The following COL4A6 variants were observed in gnomAD, a reference collection of about 807,000 sequenced individuals.
The protein encoded by COL4A6 is collagen alpha-6(IV) chain.
Under a neutral mutation model 126.7 loss-of-function variants are expected in COL4A6, and 59 were observed. The ratio of observed to expected loss-of-function variants is 0.47; its 90% confidence interval spans 0.38 to 0.58. The LOEUF (loss-of-function observed/expected upper bound fraction) is 0.58. Among genes scored for constraint, COL4A6 ranks in the 20% least tolerant of loss-of-function variants. The pLI is 0.00. For synonymous variants in COL4A6, 547 were observed against 496.6 expected, an observed-to-expected ratio of 1.10 and a Z score of -1.35; for missense variants, 1,285 against 1,337.3, an observed-to-expected ratio of 0.96 and a Z score of 0.61.
chrX:108,277,672 C>T (rs1041968582), intron 3 of COL4A6, among the ~76,000 whole-genome samples: 220 of 112,175 alleles, frequency 2.0e-3, no homozygotes, highest in Middle Eastern at 0.014. Context: ...GATCTGAGAA[C>T]GGGCAGACTG....
At chrX:108,391,867 G>A (rs2040846773) in intron 2 of COL4A6, among the ~76,000 whole-genome samples, 1 of 112,351 alleles carries the variant, frequency 8.9e-6, no homozygotes, top group African/African-American at 3.2e-5. Flanking sequence ...CCAATGAGAT[G>A]AACCGGGTAC....
In COL4A6 at chrX:108,162,751, A is replaced by G. The variant is rs1190130982; in HGVS notation, c.4216+141T>C. On this transcript the variant is annotated intron_variant, in intron 41 of 44. Coordinates refer to ENST00000334504, the MANE Select transcript of COL4A6 (RefSeq NM_033641.4). ...GTCCTGCTGGCCCTTCTTCTCCCCA[A>G]CAGGAAGCTTGGGAGCTTTGTGAAG... 10 of 685,199 alleles carry G rather than the reference A, an allele frequency of 1.5e-5. No individual in the cohort carries two copies. The South Asian group carries it at 2.9e-4, about 20-fold the overall frequency. The allele number at this position is 685,199 out of a possible 1,213,427, so 56.5% of individuals were successfully genotyped here. A position where few individuals can be genotyped will look rare whatever the true frequency, so the allele number is the denominator to read the frequency against.
intron 13 of COL4A6, among the ~76,000 whole-genome samples, chrX:108,201,089 C>T (rs770427058): frequency 3.6e-5 from 4 of 111,384 alleles, no homozygotes; most frequent in Non-Finnish European, 7.5e-5. Flanking sequence ...ATTTTCCATG[C>T]CCCCTTTATT....
intron 2 of COL4A6, among the ~76,000 whole-genome samples, chrX:108,386,181 C>T (rs1255023200): frequency 2.7e-5 from 3 of 111,410 alleles, no homozygotes; most frequent in Admixed American, 1.9e-4. Context: ...AATAAACATA[C>T]ATGTGCATGT....
chrX:108,203,590 A>T (rs2035454208), intron 12 of COL4A6, among the ~76,000 whole-genome samples: 1 of 112,457 alleles, frequency 8.9e-6, no homozygotes, highest in South Asian at 3.7e-4. Flanking sequence ...AGGAGACTAA[A>T]CACATTTCCC....
intron 3 of COL4A6, among the ~76,000 whole-genome samples, chrX:108,223,154 C>T (rs962746230): frequency 9.9e-5 from 11 of 111,565 alleles, no homozygotes; most frequent in Admixed American, 1.9e-4. Flanking sequence ...GCTGCATGTT[C>T]TCACTCATAC....
intron 2 of COL4A6, among the ~76,000 whole-genome samples, chrX:108,344,563 A>G (rs943559608): frequency 8.9e-6 from 1 of 112,188 alleles, no homozygotes; most frequent in African/African-American, 3.2e-5. Flanking sequence ...TCAAAAAGAT[A>G]CTTTTCATTT....
At chrX:108,209,672 T>G (rs1236873984) in intron 8 of COL4A6, among the ~76,000 whole-genome samples, 1 of 112,003 alleles carries the variant, frequency 8.9e-6, no homozygotes, top group Non-Finnish European at 1.9e-5. Context: ...AAACATTTAG[T>G]AAGTGCTTGC....
Position 108,156,362 on chromosome X carries a change from C to T in COL4A6, c.*638G>A, listed in dbSNP as rs1463774806. On this transcript the variant is annotated 3_prime_UTR_variant, in exon 45 of 45. Transcript: ENST00000334504. ...GACCATATGCCATTAATGACCACCACCCCCAACCCAGCTGCTGGCCTTCAA... is the reference window on the plus strand; with the variant it reads ...GACCATATGCCATTAATGACCACCATCCCCAACCCAGCTGCTGGCCTTCAA... 1 of 112,053 alleles carries T rather than the reference C, an allele frequency of 8.9e-6. No homozygotes were observed. Among genetic ancestry groups the T allele is most frequent in the Non-Finnish European group, 1.9e-5 (1 of 53,417 alleles). The allele number at this position is 112,053 out of a possible 1,213,427, so 9.2% of individuals were successfully genotyped here.
intron 3 of COL4A6, among the ~76,000 whole-genome samples, chrX:108,287,220 G>C (rs1340876856): frequency 8.9e-6 from 1 of 111,918 alleles, no homozygotes; most frequent in African/African-American, 3.2e-5. Context: ...CTGTTTAAAC[G>C]TCTTTGTCTT....
At chrX:108,412,843 A>G (rs1349086071) in intron 2 of COL4A6, among the ~76,000 whole-genome samples, 2 of 112,370 alleles carry the variant, frequency 1.8e-5, no homozygotes, top group Admixed American at 9.4e-5. Flanking sequence ...AGCTAATTCA[A>G]CAAAATTTTG....
At chrX:108,372,979 G>T (rs1038141335) in intron 2 of COL4A6, among the ~76,000 whole-genome samples, 3 of 112,299 alleles carry the variant, frequency 2.7e-5, no homozygotes, top group Admixed American at 1.9e-4. Context: ...CAACCCCAAA[G>T]CTTGTGTTTT....
chrX:108,194,701 A>G (rs545714296), intron 15 of COL4A6, 114 bp from the exon 16 acceptor site: 1 of 718,907 alleles, frequency 1.4e-6, no homozygotes, highest in Non-Finnish European at 2.1e-6. Flanking sequence ...ATTGCAGGGT[A>G]TATGTGGCTT....
At chrX:108,413,064 C>T (rs760070918) in intron 2 of COL4A6, among the ~76,000 whole-genome samples, 1 of 111,604 alleles carries the variant, frequency 9.0e-6, no homozygotes, top group South Asian at 3.8e-4. Context: ...GGTTATAGAC[C>T]CTTAATGTTT....
chrX:108,205,451 C>A lies in COL4A6; in HGVS notation c.675G>T (p.Glu225Asp), dbSNP rs2035520427. Residue 225 changes from glutamate to aspartate, a missense_variant, in exon 11 of 45, where the codon GAG becomes GAT. By Grantham distance (45) the Glu-to-Asp change is conservative. Coordinates refer to ENST00000334504, the MANE Select transcript of COL4A6 (RefSeq NM_033641.4). ...DGNMGLGFQG[E>D]KGVKGDVGLP... is the part of the protein sequence containing the mutation. ...AAAAGCTGTTTACCTTGACTCCTTTCTCTCCTTGAAAACCTAGCCCCATAT... is the reference window on the plus strand; with the variant it reads ...AAAAGCTGTTTACCTTGACTCCTTTATCTCCTTGAAAACCTAGCCCCATAT... 2 of 1,203,172 alleles carry A rather than the reference C, an allele frequency of 1.7e-6. No individual in the cohort carries two copies. The highest frequency in any genetic ancestry group is 1.7e-5 in the African/African-American group (1 of 57,645).
intron 3 of COL4A6, among the ~76,000 whole-genome samples, chrX:108,271,713 TAAAGGG>T (rs1454135020): frequency 2.7e-5 from 3 of 111,477 alleles, no homozygotes; most frequent in Non-Finnish European, 5.7e-5. Flanking sequence ...TGGGGGTCTA[TAAAGGG>T]AAAAAAATCA....
At chrX:108,321,455 C>T (rs867165076) in intron 2 of COL4A6, among the ~76,000 whole-genome samples, 14 of 111,035 alleles carry the variant, frequency 1.3e-4, no homozygotes, top group Middle Eastern at 4.7e-3. Context: ...TTGACAGGTG[C>T]CTATTTGGGG....
At chrX:108,279,774 A>G (rs2037744587) in intron 3 of COL4A6, among the ~76,000 whole-genome samples, 1 of 112,112 alleles carries the variant, frequency 8.9e-6, no homozygotes, top group Non-Finnish European at 1.9e-5. Context: ...GTAAAAGATC[A>G]GAAATTATAA....
At position 108,378,626 on chromosome X, in the gene COL4A6, A is replaced by G. The variant is rs560446335; in HGVS notation, c.63+59316T>C. Reference sequence around the variant, plus strand: ...CAGTTCTGGACAATGAAATACGGGTAGGATTCTTGTATGCCACTTCCAGGT... The same window carrying G: ...CAGTTCTGGACAATGAAATACGGGTGGGATTCTTGTATGCCACTTCCAGGT... On this transcript the variant is annotated intron_variant, in intron 2 of 44. Transcript: ENST00000334504. Among the ~76,000 whole-genome samples the G allele has an allele frequency of 3.6e-5, 4 of 112,634 alleles. No individual in the cohort carries two copies. In the South Asian group the frequency reaches 1.5e-3, roughly 41 times the overall value.
Sources: gnomAD v4.1 joint callset for allele counts (sites outside exome capture counted in the v4.1 genomes callset) on GRCh38, gnomAD v4.1.1 for gene constraint, MANE v1.5 for transcripts, NCBI Gene and HGNC (gene_info 2026-07-23, HGNC 2026-07-21) for gene names.